BICC1: variants seen among roughly 807,000 people sequenced by gnomAD.
BICC1 encodes BicC family RNA binding protein 1.
Under a neutral mutation model 111.0 loss-of-function variants are expected in BICC1, and 43 were observed. The ratio of observed to expected loss-of-function variants is 0.39; its 90% CI spans 0.30 to 0.50. The LOEUF is 0.50. Ranked by LOEUF, BICC1 falls within the 20% of genes least tolerant of loss-of-function variation. BICC1 has a pLI of 0.88. For synonymous variants in BICC1, 467 were observed against 434.4 expected (o/e 1.07, Z -0.93); for missense variants, 1,091 against 1,203.2 (o/e 0.91, Z 1.38).
chr10:58,673,891 A>G (rs560190307), intron 2 of BICC1, among the ~76,000 whole-genome samples: 1 of 150,910 alleles, frequency 6.6e-6, no homozygotes, highest in East Asian at 2.0e-4. Context: ...TTGGCCTCCC[A>G]AAGTGCTGGG....
chr10:58,726,225 C>T (rs1662925499), intron 3 of BICC1, among the ~76,000 whole-genome samples: 1 of 152,156 alleles, frequency 6.6e-6, no homozygotes, highest in Non-Finnish European at 1.5e-5. Context: ...AGACTACCCA[C>T]AATGGATTTA....
At chr10:58,748,972 G>A (rs1023632636) in intron 3 of BICC1, among the ~76,000 whole-genome samples, 9 of 152,114 alleles carry the variant, frequency 5.9e-5, no homozygotes, top group African/African-American at 2.2e-4. Flanking sequence ...TGCCTAGGAA[G>A]ATTCCACTAA....
At chr10:58,696,363 A>T (rs948137609) in intron 2 of BICC1, among the ~76,000 whole-genome samples, 12 of 152,272 alleles carry the variant, frequency 7.9e-5, no homozygotes, top group African/African-American at 2.9e-4. Context: ...TTACATCAAC[A>T]ATCTTAATTT....
intron 3 of BICC1, among the ~76,000 whole-genome samples, chr10:58,733,273 T>C (rs1360370216): frequency 1.3e-5 from 2 of 152,198 alleles, no homozygotes; most frequent in Non-Finnish European, 2.9e-5. Context: ...TGTTCAAAAC[T>C]TTTTGTGAGT....
intron 3 of BICC1, among the ~76,000 whole-genome samples, chr10:58,734,471 T>C (rs1160645139): frequency 6.6e-6 from 1 of 152,250 alleles, no homozygotes; most frequent in Non-Finnish European, 1.5e-5. Context: ...ATACTTTGCC[T>C]CTGCTTACTG....
At chr10:58,522,806 G>T (rs1415880374) in intron 1 of BICC1, among the ~76,000 whole-genome samples, 1 of 151,952 alleles carries the variant, frequency 6.6e-6, no homozygotes, top group Admixed American at 6.6e-5. Flanking sequence ...TAGACCGTTA[G>T]CAAGACTAAT....
chr10:58,517,542 A>G (rs531166793), intron 1 of BICC1, among the ~76,000 whole-genome samples: 156 of 152,336 alleles, frequency 1.0e-3, no homozygotes, highest in African/African-American at 3.7e-3. Context: ...CTGAAAGTGA[A>G]GATAAAGAGT....
At chr10:58,733,162 GA>G (rs1228382222) in intron 3 of BICC1, among the ~76,000 whole-genome samples, 1 of 152,158 alleles carries the variant, frequency 6.6e-6, no homozygotes, top group African/African-American at 2.4e-5. Flanking sequence ...AATAAAACAT[GA>G]TTTTGTAAAC....
At chr10:58,822,155 A>G (rs757775064) in intron 20 of BICC1, among the ~76,000 whole-genome samples, 1 of 152,174 alleles carries the variant, frequency 6.6e-6, no homozygotes, top group Non-Finnish European at 1.5e-5. Flanking sequence ...TGCATTCACC[A>G]TACCTGTACT....
At chr10:58,792,984 C>G (rs1485708856) in intron 8 of BICC1, among the ~76,000 whole-genome samples, 1 of 152,032 alleles carries the variant, frequency 6.6e-6, no homozygotes, top group Non-Finnish European at 1.5e-5. Context: ...CTGGCCTAAC[C>G]TGGAGGAAGG....
intron 1 of BICC1, among the ~76,000 whole-genome samples, chr10:58,566,438 A>G (rs748138410): frequency 4.6e-5 from 7 of 152,176 alleles, no homozygotes; most frequent in Non-Finnish European, 8.8e-5. Flanking sequence ...TATTTTTGCA[A>G]TTGTGAATTT....
At chr10:58,643,614 T>A (rs4948306) in intron 2 of BICC1, among the ~76,000 whole-genome samples, 2 of 152,228 alleles carry the variant, frequency 1.3e-5, no homozygotes, top group African/African-American at 4.8e-5. Flanking sequence ...CATTTAGTAA[T>A]ACAGACTGAA....
At chr10:58,691,765 C>G (rs1418144544) in intron 2 of BICC1, among the ~76,000 whole-genome samples, 2 of 152,190 alleles carry the variant, frequency 1.3e-5, no homozygotes, top group Non-Finnish European at 1.5e-5. Flanking sequence ...CTCTCACTCA[C>G]TGCACTCACC....
chr10:58,567,783 A>G (rs1843816681), intron 1 of BICC1, among the ~76,000 whole-genome samples: 1 of 152,044 alleles, frequency 6.6e-6, no homozygotes, highest in African/African-American at 2.4e-5. Flanking sequence ...TGCTATCTAG[A>G]GACTCCCTGA....
chr10:58,627,243 G>T (rs372005169), intron 2 of BICC1, among the ~76,000 whole-genome samples: 1 of 152,184 alleles, frequency 6.6e-6, no homozygotes, highest in Non-Finnish European at 1.5e-5. Context: ...CAAACTCAAT[G>T]CATTGGATCA....
intron 1 of BICC1, among the ~76,000 whole-genome samples, chr10:58,568,161 C>T (rs1261651854): frequency 6.6e-6 from 1 of 152,094 alleles, no homozygotes; most frequent in Non-Finnish European, 1.5e-5. Flanking sequence ...GAGAGCTTTT[C>T]TAAGGACTAG....
chr10:58,558,339 G>A (rs892396259), intron 1 of BICC1, among the ~76,000 whole-genome samples: 6 of 152,042 alleles, frequency 3.9e-5, no homozygotes, highest in Non-Finnish European at 5.9e-5. Context: ...AACTCTAGGC[G>A]TCTTGGTCTC....
intron 11 of BICC1, 65 bp downstream of exon 11, chr10:58,798,625 A>T: frequency 7.3e-7 from 1 of 1,378,032 alleles, no homozygotes; most frequent in Non-Finnish European, 9.5e-7. Context: ...TTTAAATAAA[A>T]TTTACGAAGG....
intron 3 of BICC1, among the ~76,000 whole-genome samples, chr10:58,726,401 A>G (rs1345616490): frequency 6.6e-6 from 1 of 152,204 alleles, no homozygotes; most frequent in Non-Finnish European, 1.5e-5. Flanking sequence ...GAACAGGCTT[A>G]GAGAAGTTAA....
Sources: gnomAD v4.1 joint callset for allele counts (sites outside exome capture counted in the v4.1 genomes callset) on GRCh38, gnomAD v4.1.1 for gene constraint, MANE v1.5 for transcripts, NCBI Gene and HGNC (gene_info 2026-07-23, HGNC 2026-07-21) for gene names.